Variants in ALDH5A1 observed in about 807,000 individuals in gnomAD.
The protein encoded by ALDH5A1 is aldehyde dehydrogenase 5 family member A1.
In ALDH5A1, 33 loss-of-function variants were observed where a neutral mutation model predicts 54.7. That is an observed-to-expected ratio of 0.60 (90% CI 0.46 to 0.81). The LOEUF (loss-of-function observed/expected upper bound fraction) is 0.81. ALDH5A1 is among the 30% of genes least tolerant of loss of function. The pLI, the probability that ALDH5A1 is intolerant of heterozygous loss-of-function variation, is 0.00. For synonymous variants in ALDH5A1, 294 were observed against 292.7 expected, an observed-to-expected ratio of 1.00 and a Z score of -0.05; for missense variants, 657 against 711.0, an observed-to-expected ratio of 0.92 and a Z score of 0.86.
chr6:24,501,907 GTGTGTGGGTGTATATATA>G (rs1200395094), intron 1 of ALDH5A1, among the ~76,000 whole-genome samples: 26 of 147,556 alleles, frequency 1.8e-4, no homozygotes, highest in Middle Eastern at 3.5e-3. Context: ...GTGTGTGTGT[GTGTGTGGGTGTATATATA>G]TATGTGTGTG....
intron 7 of ALDH5A1, among the ~76,000 whole-genome samples, chr6:24,526,974 G>GTATATATATATATATATATA (rs58873176): frequency 3.3e-5 from 1 of 30,598 alleles, no homozygotes; most frequent in South Asian, 7.6e-4. Context: ...ATGTGTGTGT[G>GTATATATATATATATATATA]TATATATATA....
At chr6:24,530,737 A>G (rs191625574) in intron 8 of ALDH5A1, among the ~76,000 whole-genome samples, 42 of 152,338 alleles carry the variant, frequency 2.8e-4, no homozygotes, top group African/African-American at 9.9e-4. Flanking sequence ...GCCATTGCCT[A>G]CACTTGTTTC....
At position 24,495,049 on chromosome 6, in the gene ALDH5A1, C is replaced by A; in HGVS notation, c.53C>A (p.Thr18Lys). The stretch of plus-strand genomic sequence containing the variant: ...TGTGGGGCCCGGCGCCTCGGGTCGA[C>A]GTTTCCAGGCTGCCGCCTCCGCCCC... ...RSCGARRLGS[T>K]FPGCRLRPRA... Residue 18 changes from threonine to lysine, a missense_variant, in exon 1 of 10, where the codon ACG becomes AAG. This residue lies in a region of ALDH5A1 where 232 missense variants were observed against 194.6 expected (regional missense o/e 1.19). Coordinates refer to ENST00000357578, the MANE Select transcript of ALDH5A1 (RefSeq NM_001080.3). The A allele has an allele frequency of 7.4e-7, 1 of 1,354,650 alleles. No homozygotes were observed. Among genetic ancestry groups the A allele is most frequent in the Non-Finnish European group, 9.5e-7 (1 of 1,055,644 alleles). The allele number at this position is 1,354,650 out of a possible 1,614,324, so 83.9% of individuals were successfully genotyped here.
chr6:24,530,199 G>T (rs1759905611), intron 8 of ALDH5A1, among the ~76,000 whole-genome samples: 1 of 151,558 alleles, frequency 6.6e-6, no homozygotes, highest in African/African-American at 2.4e-5. Context: ...GCATATTAAT[G>T]CATTCTTCAG....
chr6:24,525,378 T>A (rs560155279), intron 7 of ALDH5A1, among the ~76,000 whole-genome samples: 1 of 151,992 alleles, frequency 6.6e-6, no homozygotes, highest in Non-Finnish European at 1.5e-5. Flanking sequence ...CTCACACCTA[T>A]ATTTACCTTC....
At chr6:24,496,872 T>C (rs1306347715) in intron 1 of ALDH5A1, among the ~76,000 whole-genome samples, 1 of 152,120 alleles carries the variant, frequency 6.6e-6, no homozygotes, top group African/African-American at 2.4e-5. Flanking sequence ...ACTCACATTC[T>C]GAGATACTGG....
intron 7 of ALDH5A1, among the ~76,000 whole-genome samples, chr6:24,523,833 ACTG>A (rs1346379809): frequency 6.6e-6 from 1 of 152,128 alleles, no homozygotes; most frequent in Non-Finnish European, 1.5e-5. Flanking sequence ...TTGAGGGGAA[ACTG>A]CTTTTAGGAA....
chr6:24,506,243 CTTTTTTTTTTTTTTTTTT>C (rs70974913), intron 4 of ALDH5A1, among the ~76,000 whole-genome samples: 2 of 52,132 alleles, frequency 3.8e-5, no homozygotes, highest in African/African-American at 1.5e-4. Context: ...TTCCTGGTTC[CTTTTTTTTTTTTTTTTTT>C]TTTTTTTTTT....
chr6:24,536,999 G>T lies in ALDH5A1; in HGVS notation c.*3287G>T, dbSNP rs890159632. 2 of 152,596 alleles carry T rather than the reference G, an allele frequency of 1.3e-5. No individual in the cohort carries two copies. The highest frequency in any genetic ancestry group is 6.5e-5 in the Admixed American group (1 of 15,272). 9.5% of individuals were successfully genotyped at this position (152,596 alleles called of 1,614,324 possible). A position where few individuals can be genotyped will look rare whatever the true frequency, so the allele number is the denominator to read the frequency against. ...AGCTATTTTAAATAGCATTTTACTT[G>T]AATAATATGTATGTTGTCATTGTTT... is the stretch of plus-strand genomic sequence containing the variant. On this transcript the variant is annotated 3_prime_UTR_variant, in exon 10 of 10. Transcript: ENST00000357578.
intron 1 of ALDH5A1, among the ~76,000 whole-genome samples, chr6:24,498,310 A>G (rs1052247393): frequency 3.9e-5 from 6 of 152,288 alleles, no homozygotes; most frequent in African/African-American, 1.4e-4. Context: ...TGAAATTCAT[A>G]CCTGTGTGTA....
chr6:24,523,803 G>A lies in ALDH5A1; in HGVS notation c.1173+878G>A, dbSNP rs112241336. Among the ~76,000 whole-genome samples the A allele has an allele frequency of 1.8e-3, 276 of 152,148 alleles. 2 individuals carry two copies. The highest frequency in any genetic ancestry group is 3.4e-3 in the Middle Eastern group (1 of 294). On this transcript the variant is annotated intron_variant, in intron 7 of 9. Transcript: ENST00000357578. Reference sequence around the variant, plus strand: ...CCGGGGGTGCAGAATCACAGATGCCGCGTTCAGGATTTAGAGATATTGAGG... The same window carrying A: ...CCGGGGGTGCAGAATCACAGATGCCACGTTCAGGATTTAGAGATATTGAGG...
At chr6:24,496,442 T>C (rs1581802201) in intron 1 of ALDH5A1, among the ~76,000 whole-genome samples, 1 of 152,322 alleles carries the variant, frequency 6.6e-6, no homozygotes, top group African/African-American at 2.4e-5. Context: ...ACCAGGCATA[T>C]TCCTCTGCTA....
Position 24,518,936 on chromosome 6 carries a change from G to A in ALDH5A1, c.871-1465G>A, listed in dbSNP as rs1223052608. Among the ~76,000 whole-genome samples, 2 of 152,076 alleles carry A rather than the reference G, an allele frequency of 1.3e-5. No homozygotes were observed. The highest frequency in any genetic ancestry group is 2.9e-5 in the Non-Finnish European group (2 of 68,008). On this transcript the variant is annotated intron_variant, in intron 5 of 9. Coordinates refer to ENST00000357578, the MANE Select transcript of ALDH5A1 (RefSeq NM_001080.3). The surrounding 1 kb of genome is among the most constrained non-coding windows in gnomAD (Gnocchi z 4.2). Reference sequence around the variant, plus strand: ...ACAAAGACCTACTATCCTTAATAAAGCATTTAAACATCCCTAAGCAGCTTC... The same window carrying A: ...ACAAAGACCTACTATCCTTAATAAAACATTTAAACATCCCTAAGCAGCTTC...
chr6:24,504,293 A>T (rs1205377105), intron 3 of ALDH5A1, among the ~76,000 whole-genome samples: 2 of 152,234 alleles, frequency 1.3e-5, no homozygotes, highest in Non-Finnish European at 1.5e-5. Context: ...GTACTATATA[A>T]TAGAGTTTTT....
At chr6:24,514,254 A>G (rs1759518873) in intron 4 of ALDH5A1, among the ~76,000 whole-genome samples, 1 of 152,092 alleles carries the variant, frequency 6.6e-6, no homozygotes, top group African/African-American at 2.4e-5. Context: ...GAAATCACCT[A>G]TGGAAAGGCT....
At position 24,535,175 on chromosome 6, in the gene ALDH5A1, A is replaced by G. The variant is rs536342411; in HGVS notation, c.*1463A>G. 6.6e-6 allele frequency: 1 copy of G among 152,328 alleles called. No individual in the cohort carries two copies. Among genetic ancestry groups the G allele is most frequent in the African/African-American group, 2.4e-5 (1 of 41,570 alleles). The allele number at this position is 152,328 out of a possible 1,614,324, so 9.4% of individuals were successfully genotyped here. ...GTTGTGGAAGGAAAATGTGAATGAA[A>G]GTAGTGCTGGATGCAATTACTCCTG... On this transcript the variant is annotated 3_prime_UTR_variant, in exon 10 of 10. Transcript: ENST00000357578.
rs1444826704 is a variant in ALDH5A1, at chr6:24,495,350, G to C, written c.354G>C (p.Lys118Asn). 2.0e-6 allele frequency: 3 copies of C among 1,532,702 alleles called. No homozygotes were observed. The highest frequency in any genetic ancestry group is 2.4e-5 in the South Asian group (2 of 83,920). 94.9% of individuals were successfully genotyped at this position (1,532,702 alleles called of 1,614,324 possible). ...GCCGCTGGAGGGAGGTCTCCGCCAA[G>C]GTGAGAGAGCCCGGATGCAGGGGGC... ...AFCRWREVSA[K>N]ERSSLLRKWY... The change falls in exon 1 of 10, where the codon AAG becomes AAC. Residue 118 changes from lysine to asparagine, a missense_variant and splice_region_variant. Around this residue, in one of 2 missense-constraint regions of ALDH5A1, gnomAD observed 232 missense variants for 194.6 expected, o/e 1.19. Transcript: ENST00000357578.
chr6:24,502,617 G>T lies in ALDH5A1; in HGVS notation c.438+11G>T. Reference sequence around the variant, plus strand: ...ATCACAGCTGAAAGTGTAAGTTCAGGGTTCTGGCTTGGTGCACTGAGAAAT... The same window carrying T: ...ATCACAGCTGAAAGTGTAAGTTCAGTGTTCTGGCTTGGTGCACTGAGAAAT... On this transcript the variant is annotated intron_variant, in intron 2 of 9. Transcript: ENST00000357578. The T allele has an allele frequency of 6.2e-7, 1 of 1,607,400 alleles. No individual in the cohort carries two copies. The highest frequency in any genetic ancestry group is 2.2e-5 in the East Asian group (1 of 44,810).
At chr6:24,527,717 G>A (rs958584082) in intron 7 of ALDH5A1, among the ~76,000 whole-genome samples, 3 of 152,194 alleles carry the variant, frequency 2.0e-5, no homozygotes, top group Non-Finnish European at 2.9e-5. Flanking sequence ...GCAAACGGCT[G>A]AGCCGCAGGC....
Sources: gnomAD v4.1 joint callset for allele counts (sites outside exome capture counted in the v4.1 genomes callset) on GRCh38, gnomAD v4.1.1 for gene constraint, gnomAD v4.1.1 regional missense constraint, Gnocchi (gnomAD v3.1) non-coding constraint, MANE v1.5 for transcripts, NCBI Gene and HGNC (gene_info 2026-07-23, HGNC 2026-07-21) for gene names.